Variants in FSAF1 observed in about 807,000 individuals in gnomAD.
FSAF1 encodes uncharacterized protein C1orf131.
chr1:231,238,115 G>C, the FSAF1 span: 2 of 152,050 alleles, frequency 1.3e-5, no homozygotes, highest in Admixed American at 1.3e-4. Flanking sequence ...CTGGGAGGTG[G>C]AGCTTGCAAT....
the FSAF1 span, chr1:231,224,254 T>A: frequency 3.1e-6 from 5 of 1,600,000 alleles, no homozygotes; most frequent in Non-Finnish European, 4.3e-6. Context: ...GTTGTTCCCA[T>A]CCTCGTTTTA....
the FSAF1 span, chr1:231,239,332 TCAAATAA>T: frequency 1.4e-6 from 1 of 705,536 alleles, no homozygotes; most frequent in Non-Finnish European, 2.1e-6. Context: ...TTGTTTTCTT[TCAAATAA>T]GTGTATTTGC....
the FSAF1 span, among the ~76,000 whole-genome samples, chr1:231,228,598 CA>C: frequency 4.1e-3 from 424 of 102,892 alleles, 1 homozygote; most frequent in African/African-American, 0.011. Context: ...GACTCTGCCT[CA>C]AAAAAAAAAA....
At chr1:231,237,225 A>C in the FSAF1 span, 22 of 152,234 alleles carry the variant, frequency 1.4e-4, no homozygotes, top group Non-Finnish European at 2.9e-5. Flanking sequence ...TGCTACCTGA[A>C]TTTTAGAAAA....
At chr1:231,240,278 GA>G in the FSAF1 span, among the ~76,000 whole-genome samples, 6 of 152,216 alleles carry the variant, frequency 3.9e-5, no homozygotes, top group African/African-American at 1.4e-4. The surrounding 1 kb of genome is among the most constrained non-coding windows in gnomAD (Gnocchi z 4.1). Context: ...GGTGAACTTA[GA>G]ATTTTGAGCA....
the FSAF1 span, chr1:231,226,833 G>A: frequency 2.5e-6 from 4 of 1,599,428 alleles, no homozygotes; most frequent in Non-Finnish European, 3.4e-6. Context: ...AGGCTGTAAT[G>A]AAAGAACAAA....
At chr1:231,238,318 C>CT in the FSAF1 span, 1 of 152,318 alleles carries the variant, frequency 6.6e-6, no homozygotes, top group Non-Finnish European at 1.5e-5. Context: ...ACCAGCATTG[C>CT]TTTTCCTCGA....
At chr1:231,228,049 C>T in the FSAF1 span, among the ~76,000 whole-genome samples, 563 of 152,214 alleles carry the variant, frequency 3.7e-3, 1 homozygote, top group South Asian at 5.4e-3. Context: ...TGAAAAATAC[C>T]TCTCCAAACA....
the FSAF1 span, chr1:231,238,759 G>C: frequency 1.4e-4 from 167 of 1,192,390 alleles, no homozygotes; most frequent in Admixed American, 1.4e-3. Flanking sequence ...CAGGCCTGAG[G>C]ATAGTCAGGC....
the FSAF1 span, chr1:231,237,677 T>A: frequency 6.6e-6 from 1 of 152,262 alleles, no homozygotes; most frequent in African/African-American, 2.4e-5. Flanking sequence ...GATTTTGGAC[T>A]TCTGGACTAC....
the FSAF1 span, chr1:231,225,933 A>G: frequency 1.1e-5 from 2 of 175,772 alleles, no homozygotes; most frequent in Middle Eastern, 2.9e-3. Flanking sequence ...AAAGTGTAAC[A>G]TCTATTCCCC....
the FSAF1 span, chr1:231,225,653 A>G: frequency 1.2e-6 from 1 of 821,692 alleles, no homozygotes; most frequent in East Asian, 2.6e-5. Context: ...GGCATATTAA[A>G]CATAACAGTC....
At chr1:231,225,247 G>A in the FSAF1 span, 14 of 574,544 alleles carry the variant, frequency 2.4e-5, no homozygotes, top group Admixed American at 6.0e-5. Context: ...GTCACTTAGA[G>A]TGTCGGTGAA....
the FSAF1 span, among the ~76,000 whole-genome samples, chr1:231,229,664 A>G: frequency 2.9e-3 from 447 of 152,338 alleles, no homozygotes; most frequent in African/African-American, 0.01. Flanking sequence ...CCACAGCCTG[A>G]AAAAAGAAGG....
chr1:231,228,774 G>A, the FSAF1 span, among the ~76,000 whole-genome samples: 1 of 152,098 alleles, frequency 6.6e-6, no homozygotes, highest in Non-Finnish European at 1.5e-5. Flanking sequence ...ATAACCTGAG[G>A]TCAGTAGTTC....
At chr1:231,224,453 A>C in the FSAF1 span, 1 of 1,570,200 alleles carries the variant, frequency 6.4e-7, no homozygotes. Context: ...TAAATAGTCA[A>C]GCTTACCAAC....
the FSAF1 span, among the ~76,000 whole-genome samples, chr1:231,228,454 C>T: frequency 6.6e-6 from 1 of 152,114 alleles, no homozygotes; most frequent in African/African-American, 2.4e-5. Flanking sequence ...CAAAAATTAG[C>T]TGGGTGTGGT....
the FSAF1 span, among the ~76,000 whole-genome samples, chr1:231,228,373 T>A: frequency 6.6e-6 from 1 of 152,044 alleles, no homozygotes; most frequent in African/African-American, 2.4e-5. Flanking sequence ...ACAGGCCAGG[T>A]AGATCACTTG....
the FSAF1 span, chr1:231,238,903 C>A: frequency 9.3e-6 from 15 of 1,613,878 alleles, no homozygotes; most frequent in Non-Finnish European, 1.2e-5. Flanking sequence ...TTTTTTATTG[C>A]TGTGAAATTC....
Sources: gnomAD v4.1 joint callset for allele counts (sites outside exome capture counted in the v4.1 genomes callset) on GRCh38, gnomAD v4.1.1 for gene constraint, Gnocchi (gnomAD v3.1) non-coding constraint, MANE v1.5 for transcripts, NCBI Gene and HGNC (gene_info 2026-07-23, HGNC 2026-07-21) for gene names.